MYH7B: variants seen among roughly 807,000 people sequenced by gnomAD.
MYH7B encodes myosin-7B.
A neutral mutation model predicts 234.5 loss-of-function variants in MYH7B; 205 were observed. The ratio of observed to expected loss-of-function variants is 0.87; its 90% confidence interval spans 0.78 to 0.98. The LOEUF is 0.98. Among genes scored for constraint, MYH7B ranks in the 50% least tolerant of loss-of-function variants. The pLI is 0.00. For missense variants in MYH7B, 2,652 were observed against 2,633.4 expected (o/e 1.01, Z -0.15); for synonymous variants, 1,193 against 1,105.0 (o/e 1.08, Z -1.58).
At chr20:34,989,773 T>A in exon 20 of MYH7B, 1 of 1,614,110 alleles carries the variant, frequency 6.2e-7, no homozygotes, top group Non-Finnish European at 8.5e-7. Context: ...GGAGGAGGAA[T>A]GCATGTTCCC....
rs778233214 is a variant in MYH7B, at chr20:34,977,708, C to T, written c.-73+28C>T. ...AGGTGATCAGGGCTGGGGTTGGAGCCGAAGGGAGGGCAGGAGGGTGGGCGG... is the reference window on the plus strand; with the variant it reads ...AGGTGATCAGGGCTGGGGTTGGAGCTGAAGGGAGGGCAGGAGGGTGGGCGG... On this transcript the variant is annotated intron_variant, in intron 4 of 44. Coordinates refer to ENST00000262873, the Ensembl canonical transcript of MYH7B. 30 of 819,442 alleles carry T rather than the reference C, an allele frequency of 3.7e-5. No homozygotes were observed. In the Middle Eastern group the frequency reaches 8.6e-4, roughly 24 times the overall value. 50.8% of individuals were successfully genotyped at this position (819,442 alleles called of 1,614,324 possible). A position where few individuals can be genotyped will look rare whatever the true frequency, so the allele number is the denominator to read the frequency against.
exon 39 of MYH7B, chr20:35,000,558 C>G: frequency 6.4e-7 from 1 of 1,572,702 alleles, no homozygotes; most frequent in Non-Finnish European, 8.6e-7. Context: ...GGCTCTGGAG[C>G]GCCGGGCCTC....
At chr20:34,959,762 C>T (rs1184290809) in intron 2 of MYH7B, among the ~76,000 whole-genome samples, 3 of 152,174 alleles carry the variant, frequency 2.0e-5, no homozygotes, top group Non-Finnish European at 4.4e-5. Flanking sequence ...CAGGTGTGAG[C>T]CACCGCGCCT....
exon 7 of MYH7B, chr20:34,979,783 C>G: frequency 6.2e-7 from 1 of 1,613,978 alleles, no homozygotes. Flanking sequence ...TGCGCCAGCG[C>G]TATGCCCGCT....
Position 34,989,910 on chromosome 20 carries a change from C to T in MYH7B, c.1758C>T (p.Tyr586=), listed in dbSNP as rs535215867. 1.9e-5 allele frequency: 30 copies of T among 1,614,066 alleles called. No homozygotes were observed. The highest frequency in any genetic ancestry group is 5.3e-5 in the African/African-American group (4 of 75,062). The change falls in exon 20 of 45, where the codon TAC becomes TAT. Residue 586 remains tyrosine, a synonymous_variant. Transcript: ENST00000262873. ...AGGCCCACTTCGAGGTGGTCCACTA[C>T]GCAGGCGTGGTAGGTGCTTGCTGGA...
chr20:34,998,887 C>G (rs781462289), exon 35 of MYH7B: 5 of 1,612,984 alleles, frequency 3.1e-6, no homozygotes, highest in Non-Finnish European at 4.2e-6. Flanking sequence ...AGATGCCATC[C>G]AGAGGACCGA....
chr20:35,001,570 T>A, intron 43 of MYH7B, 44 bp downstream of exon 43: 1 of 1,535,846 alleles, frequency 6.5e-7, no homozygotes, highest in Non-Finnish European at 8.9e-7. Context: ...GCACCCCAGC[T>A]CTGCCCCAGG....
exon 16 of MYH7B, chr20:34,987,169 C>T (rs1360309504): frequency 1.9e-6 from 3 of 1,613,364 alleles, no homozygotes; most frequent in African/African-American, 2.7e-5. Flanking sequence ...ACATCCTAGG[C>T]TTCAGCGTGG....
rs547396832 is a variant in MYH7B, at chr20:34,997,822, C to A, written c.3747+182C>A. On this transcript the variant is annotated intron_variant, in intron 32 of 44. Transcript: ENST00000262873. ...AGTCCTGACCTTAAGCCGTGACTCC[C>A]AAGCCCTGTTCCCTGACTCCAGGTC... Among the ~76,000 whole-genome samples the A allele has an allele frequency of 5.9e-5, 9 of 152,266 alleles. No homozygotes were observed. The South Asian group carries it at 1.7e-3, about 28-fold the overall frequency.
At chr20:34,988,294 G>C in intron 19 of MYH7B, 32 bp downstream of exon 19, 1 of 1,595,028 alleles carries the variant, frequency 6.3e-7, no homozygotes. Flanking sequence ...CTTTGAGGAA[G>C]GGAGGGTGTG....
chr20:34,990,010 C>G lies in MYH7B; in HGVS notation c.1768-4C>G, dbSNP rs760336463. 1.9e-6 allele frequency: 3 copies of G among 1,613,958 alleles called. No homozygotes were observed. The African/African-American group carries it at 4.0e-5, about 22-fold the overall frequency. ...CGGGCTCAGCACCTGACTTGTCTCT[C>G]CAGGTGCCTTACAGCATTGTGGGCT... On this transcript the variant is annotated splice_polypyrimidine_tract_variant and splice_region_variant and intron_variant, in intron 20 of 44. Coordinates refer to ENST00000262873, the Ensembl canonical transcript of MYH7B.
chr20:34,976,013 G>T lies in MYH7B; in HGVS notation c.-122+514G>T, dbSNP rs2081849790. Reference sequence around the variant, plus strand: ...TTACAGGCGTGAGCCACTGCGCTTGGCCGGCACTGTAATTTTAAATGTGTT... The same window carrying T: ...TTACAGGCGTGAGCCACTGCGCTTGTCCGGCACTGTAATTTTAAATGTGTT... On this transcript the variant is annotated intron_variant, in intron 3 of 44. Transcript: ENST00000262873. Among the ~76,000 whole-genome samples the T allele has an allele frequency of 4.6e-5, 7 of 152,200 alleles. No individual in the cohort carries two copies. The South Asian group carries it at 1.4e-3, about 31-fold the overall frequency.
At chr20:34,985,947 C>T (rs572753112) in intron 13 of MYH7B, among the ~76,000 whole-genome samples, 153 bp from the exon 14 acceptor site, 1 of 152,324 alleles carries the variant, frequency 6.6e-6, no homozygotes, top group East Asian at 1.9e-4. Flanking sequence ...ATGACGCAGG[C>T]ACAGGGGAGA....
At chr20:34,968,617 T>C (rs1013053759) in intron 2 of MYH7B, among the ~76,000 whole-genome samples, 2 of 152,224 alleles carry the variant, frequency 1.3e-5, no homozygotes, top group Non-Finnish European at 2.9e-5. Context: ...CCCTTTCATG[T>C]CTATTCTTAG....
exon 23 of MYH7B, chr20:34,990,805 C>T: frequency 6.2e-7 from 1 of 1,614,184 alleles, no homozygotes; most frequent in Non-Finnish European, 8.5e-7. Flanking sequence ...TGCATTGTCC[C>T]CAACGAGAAC....
At chr20:34,990,964 G>A (rs1423480788) in intron 23 of MYH7B, 40 bp from the exon 24 acceptor site, 1 of 1,581,690 alleles carries the variant, frequency 6.3e-7, no homozygotes, top group East Asian at 2.2e-5. Context: ...GCCTGCGGGT[G>A]TGCCTGTTGA....
intron 43 of MYH7B, 107 bp downstream of exon 43, chr20:35,001,633 C>T (rs1293755917): frequency 1.0e-6 from 1 of 998,146 alleles, no homozygotes; most frequent in Non-Finnish European, 1.5e-6. Flanking sequence ...AGGTCAGTGA[C>T]CCAGAGGGAA....
exon 26 of MYH7B, chr20:34,993,437 T>C: frequency 2.5e-6 from 4 of 1,610,734 alleles, no homozygotes; most frequent in Non-Finnish European, 3.4e-6. Flanking sequence ...GGCCGCCTCA[T>C]GCGCCTTGAG....
At chr20:35,001,615 A>G (rs1304290321) in intron 43 of MYH7B, 89 bp downstream of exon 43, 5 of 1,177,466 alleles carry the variant, frequency 4.2e-6, no homozygotes, top group Non-Finnish European at 6.1e-6. Context: ...CAGCAGCTCC[A>G]CCCTCCAAGG....
Sources: gnomAD v4.1 joint callset for allele counts (sites outside exome capture counted in the v4.1 genomes callset) on GRCh38, gnomAD v4.1.1 for gene constraint, MANE v1.5 for transcripts, NCBI Gene and HGNC (gene_info 2026-07-23, HGNC 2026-07-21) for gene names.